The following GON4L variants were observed in gnomAD, a reference collection of about 807,000 sequenced individuals.
GON4L encodes GON-4-like protein.
A neutral mutation model predicts 211.8 loss-of-function variants in GON4L; 87 were observed. That is an observed-to-expected ratio of 0.41 (90% CI 0.35 to 0.49). The LOEUF is 0.49. GON4L is among the 20% of genes least tolerant of loss of function. The pLI is 0.15. For synonymous variants in GON4L, 875 were observed against 962.6 expected (o/e 0.91, Z 1.68); for missense variants, 2,155 against 2,659.5 (o/e 0.81, Z 4.17).
chr1:155,835,402 C>T (rs1034192934), intron 2 of GON4L, among the ~76,000 whole-genome samples: 12 of 151,632 alleles, frequency 7.9e-5, no homozygotes, highest in African/African-American at 2.9e-4. Context: ...ACCTTCCCTC[C>T]ACTATTGTCC....
At chr1:155,787,142 C>T (rs983408406) in intron 12 of GON4L, among the ~76,000 whole-genome samples, 2 of 151,562 alleles carry the variant, frequency 1.3e-5, no homozygotes, top group Non-Finnish European at 2.9e-5. Context: ...GATCTCCTGA[C>T]CTCGTGATCC....
chr1:155,759,530 C>T (rs543341426), intron 24 of GON4L, among the ~76,000 whole-genome samples: 15 of 151,798 alleles, frequency 9.9e-5, no homozygotes, highest in Non-Finnish European at 1.3e-4. Context: ...GCCGAGATCA[C>T]GCCACTGCAC....
At position 155,766,647 on chromosome 1, in the gene GON4L, T is replaced by C; in HGVS notation, c.2826A>G (p.Gly942=). The C allele has an allele frequency of 3.1e-6, 5 of 1,614,144 alleles. No individual in the cohort carries two copies. Among genetic ancestry groups the C allele is most frequent in the Middle Eastern group, 1.6e-4 (1 of 6,062 alleles). ...RHMADGAREV[G]NMTGTTEINS... is the part of the protein sequence containing the mutation. ...TGATCTCAGTGGTTCCAGTCATATTTCCTACCTCTCTAGCACCATCAGCCA... is the reference window on the plus strand; with the variant it reads ...TGATCTCAGTGGTTCCAGTCATATTCCCTACCTCTCTAGCACCATCAGCCA... Residue 942 remains glycine, a synonymous_variant, in exon 21 of 32, where the codon GGA becomes GGG. Transcript: ENST00000368331.
At chr1:155,789,605 G>A (rs112760756) in intron 12 of GON4L, among the ~76,000 whole-genome samples, 19 of 150,448 alleles carry the variant, frequency 1.3e-4, no homozygotes, top group African/African-American at 4.6e-4. Flanking sequence ...GACCTTGTCT[G>A]AATTTAAAAA....
At chr1:155,797,682 G>A (rs1462713126) in intron 11 of GON4L, among the ~76,000 whole-genome samples, 6 of 140,328 alleles carry the variant, frequency 4.3e-5, no homozygotes, top group African/African-American at 1.5e-4. Context: ...CCCCCCTCCC[G>A]TCTCTACCAA....
rs181624597 is a variant in GON4L, at chr1:155,794,318, T to C, written c.1747+732A>G. 7.8e-3 allele frequency among the ~76,000 whole-genome samples: 1,193 copies of C among 152,244 alleles called. 8 individuals carry two copies. The highest frequency in any genetic ancestry group is 0.013 in the Non-Finnish European group (882 of 68,012). ...AACTCCTAACCTCAGGTGATCTGCC[T>C]GCCTCCACCTCCCAAAGTGCTGGGA... On this transcript the variant is annotated intron_variant, in intron 12 of 31. Coordinates refer to ENST00000368331, the MANE Select transcript of GON4L (RefSeq NM_001282860.2).
chr1:155,830,037 G>A (rs1219136180), intron 2 of GON4L, among the ~76,000 whole-genome samples: 1 of 151,546 alleles, frequency 6.6e-6, no homozygotes, highest in African/African-American at 2.4e-5. Context: ...TGCAACCTCC[G>A]TATCCTAGGC....
intron 11 of GON4L, among the ~76,000 whole-genome samples, chr1:155,802,107 G>GT (rs1310436855): frequency 2.6e-5 from 4 of 152,260 alleles, no homozygotes; most frequent in African/African-American, 9.6e-5. Context: ...AAACTAAAAA[G>GT]TAACTACACA....
Position 155,766,669 on chromosome 1 carries a change from G to C in GON4L, c.2804C>G (p.Ala935Gly), listed in dbSNP as rs1272396328. Residue 935 changes from alanine (A) to glycine (G), a missense_variant, in exon 21 of 32, where the codon GCT becomes GGT. Physicochemically the swap from Ala to Gly is moderately conservative, Grantham distance 60 (BLOSUM62 0). This residue lies in a region of GON4L where 551 missense variants were observed against 854.0 expected (regional missense o/e 0.65). Transcript: ENST00000368331. ...PSIQEELRHM[A>G]DGAREVGNMT... ...ATTTCCTACCTCTCTAGCACCATCAGCCATGTGCCGCAGTTCTTCCTGGAT... is the reference window on the plus strand; with the variant it reads ...ATTTCCTACCTCTCTAGCACCATCACCCATGTGCCGCAGTTCTTCCTGGAT... The C allele has an allele frequency of 6.2e-7, 1 of 1,614,030 alleles. No individual in the cohort carries two copies. Among genetic ancestry groups the C allele is most frequent in the East Asian group, 2.2e-5 (1 of 44,888 alleles).
In GON4L at chr1:155,807,923, C is replaced by T. The variant is rs550345861; in HGVS notation, c.1453-2782G>A. Among the ~76,000 whole-genome samples the T allele has an allele frequency of 3.9e-5, 6 of 152,136 alleles. No homozygotes were observed. In the South Asian group the frequency reaches 1.2e-3, roughly 32 times the overall value. On this transcript the variant is annotated intron_variant, in intron 10 of 31. Transcript: ENST00000368331. ...TCTCCCTAGACTACACTGCATCAAC[C>T]TGCTAATGGGTTTCTGTTTACCCTC...
At chr1:155,758,976 C>T (rs1298861386) in intron 24 of GON4L, among the ~76,000 whole-genome samples, 1 of 152,118 alleles carries the variant, frequency 6.6e-6, no homozygotes. Context: ...AGATGCCAGC[C>T]ACTGTGTCTG....
At chr1:155,811,754 C>CAAAAAAAAAAAAAAAAAAAAAAAAAA (rs145360103) in intron 10 of GON4L, among the ~76,000 whole-genome samples, 1 of 33,052 alleles carries the variant, frequency 3.0e-5, no homozygotes, top group African/African-American at 1.5e-4. Context: ...GACTCTGTCT[C>CAAAAAAAAAAAAAAAAAAAAAAAAAA]AAAAAAAAAA....
chr1:155,845,538 C>A, intron 2 of GON4L: 1 of 315,232 alleles, frequency 3.2e-6, no homozygotes. Context: ...AGCAGTTTTA[C>A]AGTCCCTTTT....
chr1:155,819,218 A>T lies in GON4L; in HGVS notation c.1014+1388T>A, dbSNP rs1276263978. Among the ~76,000 whole-genome samples, 5 of 150,120 alleles carry T rather than the reference A, an allele frequency of 3.3e-5. No individual in the cohort carries two copies. The East Asian group carries it at 9.8e-4, about 29-fold the overall frequency. Reference sequence around the variant, plus strand: ...CTCAGGAGGCTGAGGCAGGAGAATCACTTGAGCTTGGGAGGCAGAGGTTGC... The same window carrying T: ...CTCAGGAGGCTGAGGCAGGAGAATCTCTTGAGCTTGGGAGGCAGAGGTTGC... On this transcript the variant is annotated intron_variant, in intron 6 of 31. Transcript: ENST00000368331.
chr1:155,840,673 C>T (rs1670689340), intron 2 of GON4L, among the ~76,000 whole-genome samples: 1 of 152,166 alleles, frequency 6.6e-6, no homozygotes, highest in Admixed American at 6.6e-5. Flanking sequence ...CAACTCTTGC[C>T]AGGATCTAAC....
chr1:155,827,068 C>A, intron 2 of GON4L, 40 bp from the exon 3 acceptor site: 2 of 1,380,136 alleles, frequency 1.4e-6, no homozygotes, highest in Non-Finnish European at 2.1e-6. Flanking sequence ...TTTGACCATT[C>A]TCAGTCATAC....
intron 2 of GON4L, chr1:155,831,625 T>TAAAC (rs761722931): frequency 6.6e-6 from 1 of 151,396 alleles, no homozygotes; most frequent in African/African-American, 2.4e-5. Context: ...CCTCACCTGT[T>TAAAC]AAACAAACAA....
chr1:155,773,213 A>G lies in GON4L; in HGVS notation c.2351-3T>C, dbSNP rs746426431. ...TGGCAAACAGGGAAATTCATTCGCT[A>G]TAAGAAAATAAATCTCGGATAAATC... On this transcript the variant is annotated splice_region_variant and splice_polypyrimidine_tract_variant and intron_variant, in intron 17 of 31. Transcript: ENST00000368331. 12 of 1,613,936 alleles carry G rather than the reference A, an allele frequency of 7.4e-6. No homozygotes were observed. Among genetic ancestry groups the G allele is most frequent in the South Asian group, 2.2e-5 (2 of 91,088 alleles).
intron 11 of GON4L, among the ~76,000 whole-genome samples, chr1:155,801,047 C>T (rs771642113): frequency 9.1e-5 from 13 of 143,440 alleles, no homozygotes; most frequent in Non-Finnish European, 1.6e-4. Context: ...GCAACCCACT[C>T]GGGTCCCCTA....
Sources: allele counts gnomAD v4.1 joint callset (sites outside exome capture counted in the v4.1 genomes callset), GRCh38; gene constraint gnomAD v4.1.1; regional missense constraint gnomAD v4.1.1; transcripts MANE v1.5; gene names NCBI Gene and HGNC (gene_info 2026-07-23, HGNC 2026-07-21).